ZMYM1: variants seen among roughly 807,000 people sequenced by gnomAD.
The protein encoded by ZMYM1 is zinc finger MYM-type containing 1, also known as zinc finger MYM-type protein 1.
A neutral mutation model predicts 60.0 loss-of-function variants in ZMYM1; 39 were observed. The observed-to-expected ratio is 0.65, with a 90% CI of 0.50 to 0.85. ZMYM1 has a LOEUF of 0.85. ZMYM1 is among the 40% of genes least tolerant of loss of function. The pLI is 0.00. For missense variants in ZMYM1, 1,171 were observed against 1,309.5 expected (o/e 0.89, Z 1.63); for synonymous variants, 413 against 454.0 (o/e 0.91, Z 1.15).
chr1:35,085,103 A>C (rs1012140786), intron 1 of ZMYM1, among the ~76,000 whole-genome samples: 3 of 151,880 alleles, frequency 2.0e-5, no homozygotes, highest in African/African-American at 7.3e-5. Context: ...GCTGGAGTGC[A>C]GTGGCACTGT....
At chr1:35,097,629 T>A (rs1455348852) in intron 4 of ZMYM1, 63 bp downstream of exon 4, 1 of 1,574,350 alleles carries the variant, frequency 6.4e-7, no homozygotes, top group Non-Finnish European at 8.7e-7. Flanking sequence ...ATAGTCTTAG[T>A]TGTAATTTCT....
rs1458580911 is a variant in ZMYM1 at position 35,114,387 on chromosome 1, G to A, written c.2557G>A (p.Val853Ile). 2 of 1,613,050 alleles carry A rather than the reference G, an allele frequency of 1.2e-6. No individual in the cohort carries two copies. Among genetic ancestry groups the A allele is most frequent in the Admixed American group, 1.7e-5 (1 of 59,956 alleles). Residue 853 changes from valine (V) to isoleucine (I), a missense_variant, in exon 10 of 10, where the codon GTT (valine) becomes ATT (isoleucine). Coordinates refer to ENST00000359858, the MANE Select transcript of ZMYM1 (RefSeq NM_024772.5). Reference sequence around the variant, plus strand: ...TGAATTGAGTCATTTGCTGACATTGGTTTCCAAATTTGAATTTGTCTTTTG... The same window carrying A: ...TGAATTGAGTCATTTGCTGACATTGATTTCCAAATTTGAATTTGTCTTTTG... ...ADELSHLLTLVSKFEFVFCLK... is the reference protein window; with the variant it reads ...ADELSHLLTLISKFEFVFCLK...
At chr1:35,108,725 G>C (rs893761775) in intron 6 of ZMYM1, among the ~76,000 whole-genome samples, 8 of 105,044 alleles carry the variant, frequency 7.6e-5, no homozygotes, top group African/African-American at 3.1e-4. Context: ...TTTTTTTTTA[G>C]ACTGAGTCTT....
intron 1 of ZMYM1, among the ~76,000 whole-genome samples, chr1:35,082,751 G>A (rs920032704): frequency 9.2e-5 from 14 of 151,498 alleles, no homozygotes; most frequent in Admixed American, 3.3e-4. Flanking sequence ...AGGCTGAGGC[G>A]GGTGGATCAC....
intron 4 of ZMYM1, among the ~76,000 whole-genome samples, chr1:35,098,774 G>A (rs2148527370): frequency 6.6e-6 from 1 of 152,238 alleles, no homozygotes; most frequent in Non-Finnish European, 1.5e-5. Context: ...GAGCACTGTG[G>A]CATGCACCTG....
intron 1 of ZMYM1, among the ~76,000 whole-genome samples, chr1:35,087,710 G>C (rs1049165054): frequency 3.9e-5 from 6 of 152,092 alleles, no homozygotes; most frequent in African/African-American, 1.4e-4. Context: ...TTACAGGCGT[G>C]AGCCACCACG....
chr1:35,063,476 AT>A (rs1641911473), intron 1 of ZMYM1, among the ~76,000 whole-genome samples: 1 of 151,680 alleles, frequency 6.6e-6, no homozygotes, highest in Non-Finnish European at 1.5e-5. Flanking sequence ...GAATTTTTAA[AT>A]TTTTTTTAGA....
chr1:35,060,843 T>C (rs1641860802), intron 1 of ZMYM1, among the ~76,000 whole-genome samples: 1 of 152,156 alleles, frequency 6.6e-6, no homozygotes, highest in Non-Finnish European at 1.5e-5. Context: ...GACTGTCCTA[T>C]GAGAGAGGCC....
chr1:35,108,146 A>G (rs1643955777), intron 6 of ZMYM1, among the ~76,000 whole-genome samples: 2 of 152,172 alleles, frequency 1.3e-5, no homozygotes, highest in South Asian at 4.1e-4. Flanking sequence ...AAATTATGCC[A>G]CTATTGTTGC....
At position 35,112,075 on chromosome 1, in the gene ZMYM1, CTATTT is replaced by C. The variant is rs1169880598; in HGVS notation, c.1103-9_1103-5del. On this transcript the variant is annotated splice_region_variant and splice_polypyrimidine_tract_variant and intron_variant, in intron 8 of 9. Coordinates refer to ENST00000359858, the MANE Select transcript of ZMYM1 (RefSeq NM_024772.5). ...GTATATAAGATCTTGAATTTATGCT[CTATTT>C]TAACAGATACAGTTTCTTCAGTAAC... is the stretch of plus-strand genomic sequence containing the variant. 1 of 1,610,634 alleles carries C rather than the reference CTATTT, an allele frequency of 6.2e-7. No individual in the cohort carries two copies. The highest frequency in any genetic ancestry group is 1.3e-5 in the African/African-American group (1 of 74,682).
chr1:35,074,727 T>A (rs897274383), upstream of ZMYM1, among the ~76,000 whole-genome samples: 3 of 152,204 alleles, frequency 2.0e-5, no homozygotes, highest in Non-Finnish European at 4.4e-5. Context: ...ATTTTCTAGC[T>A]AAATGATCTA....
chr1:35,078,731 T>C (rs1168463836), upstream of ZMYM1, among the ~76,000 whole-genome samples: 1 of 151,824 alleles, frequency 6.6e-6, no homozygotes, highest in Non-Finnish European at 1.5e-5. Flanking sequence ...GTATTTTTAA[T>C]AGAGACGGGG....
chr1:35,087,536 C>CT (rs573600296), intron 1 of ZMYM1, among the ~76,000 whole-genome samples: 271 of 151,936 alleles, frequency 1.8e-3, no homozygotes, highest in Non-Finnish European at 3.0e-3. Context: ...AAGTGATTCT[C>CT]TTGCCTCAGC....
chr1:35,097,832 A>G (rs901510938), intron 4 of ZMYM1, among the ~76,000 whole-genome samples: 1 of 151,974 alleles, frequency 6.6e-6, no homozygotes, highest in African/African-American at 2.4e-5. Flanking sequence ...TTTAGTAGAG[A>G]TGGGGTTTCG....
chr1:35,082,295 G>A (rs1242829159), intron 1 of ZMYM1, among the ~76,000 whole-genome samples: 1 of 151,594 alleles, frequency 6.6e-6, no homozygotes, highest in Non-Finnish European at 1.5e-5. Context: ...TTTTCTATAT[G>A]CAGTCATGTC....
chr1:35,110,280 T>C lies in ZMYM1; in HGVS notation c.808-14T>C. 1 of 1,486,006 alleles carries C rather than the reference T, an allele frequency of 6.7e-7. No individual in the cohort carries two copies. 92.1% of individuals were successfully genotyped at this position (1,486,006 alleles called of 1,614,324 possible). A position where few individuals can be genotyped will look rare whatever the true frequency, so the allele number is the denominator to read the frequency against. On this transcript the variant is annotated splice_polypyrimidine_tract_variant and intron_variant, in intron 6 of 9. Coordinates refer to ENST00000359858, the MANE Select transcript of ZMYM1 (RefSeq NM_024772.5). The stretch of plus-strand genomic sequence containing the variant: ...TATACCAGGAATATGAATATTATTT[T>C]AATCTCTAAACAGAAACCTGCCAAA...
At chr1:35,082,475 C>T (rs975423115) in intron 1 of ZMYM1, among the ~76,000 whole-genome samples, 6 of 151,470 alleles carry the variant, frequency 4.0e-5, no homozygotes, top group African/African-American at 9.7e-5. Context: ...GGATTACAGG[C>T]GTGCACCACC....
At chr1:35,097,242 G>T in intron 3 of ZMYM1, 75 bp from the exon 4 acceptor site, 9 of 1,491,754 alleles carry the variant, frequency 6.0e-6, no homozygotes, top group Non-Finnish European at 8.1e-6. Flanking sequence ...AAAAAAGAAA[G>T]AAAGAAAATA....
chr1:35,110,255 T>C, intron 6 of ZMYM1, 39 bp from the exon 7 acceptor site: 2 of 1,369,558 alleles, frequency 1.5e-6, no homozygotes, highest in Non-Finnish European at 9.5e-7. Flanking sequence ...CAACATATCA[T>C]ATACCAGGAA....
Sources: allele counts gnomAD v4.1 joint callset (sites outside exome capture counted in the v4.1 genomes callset), GRCh38; gene constraint gnomAD v4.1.1; transcripts MANE v1.5; gene names NCBI Gene and HGNC (gene_info 2026-07-23, HGNC 2026-07-21).